PDE6A: variants seen among roughly 807,000 people sequenced by gnomAD.
PDE6A encodes the protein rod cGMP-specific 3',5'-cyclic phosphodiesterase subunit alpha.
Under a neutral mutation model 106.3 loss-of-function variants are expected in PDE6A, and 84 were observed. The observed-to-expected ratio is 0.79, with a 90% CI of 0.66 to 0.95. The LOEUF (loss-of-function observed/expected upper bound fraction) is 0.95, where lower values mean the gene tolerates loss of function less well. Ranked by LOEUF, PDE6A falls within the 40% of genes least tolerant of loss-of-function variation. PDE6A has a pLI of 0.00. For missense variants in PDE6A, 1,052 were observed against 1,084.9 expected (o/e 0.97, Z 0.43); for synonymous variants, 394 against 386.6 (o/e 1.02, Z -0.23).
At chr5:149,931,994 G>A in intron 3 of PDE6A, 1 of 1,460,026 alleles carries the variant, frequency 6.8e-7, no homozygotes, top group South Asian at 1.1e-5. Flanking sequence ...ATATTTTTGA[G>A]AGCTGATGTT....
intron 4 of PDE6A, among the ~76,000 whole-genome samples, chr5:149,929,555 C>T (rs1185857509): frequency 1.3e-5 from 2 of 151,608 alleles, no homozygotes; most frequent in South Asian, 2.1e-4. Context: ...TGCAGTGAGC[C>T]GAGATTGCGC....
chr5:149,889,081 C>CAAA lies in PDE6A; in HGVS notation c.1729-2710_1729-2708dup, dbSNP rs568428704. ...TGGGCGACAGAGTGAGACTCTGTCT[C>CAAA]AAAAAAAAAAAAAAAAAGATCAGAA... On this transcript the variant is annotated intron_variant, in intron 13 of 21. Transcript: ENST00000255266. Among the ~76,000 whole-genome samples the CAAA allele has an allele frequency of 6.5e-4, 40 of 61,580 alleles. 2 individuals carry two copies. Among genetic ancestry groups the CAAA allele is most frequent in the African/African-American group, 1.7e-3 (24 of 14,056 alleles). 40.4% of individuals were successfully genotyped at this position (61,580 alleles called of 152,430 possible). A position where few individuals can be genotyped will look rare whatever the true frequency, so the allele number is the denominator to read the frequency against.
chr5:149,877,941 G>A (rs543346311), intron 17 of PDE6A, among the ~76,000 whole-genome samples: 6 of 152,160 alleles, frequency 3.9e-5, no homozygotes, highest in Non-Finnish European at 7.3e-5. Flanking sequence ...GGTATACTAG[G>A]GGGTCCTGGA....
rs1356289630 is a variant in PDE6A at position 149,889,863 on chromosome 5, T to C, written c.1729-3489A>G. ...CAGAGGTTGCAGTGAGCTGAGATCA[T>C]GCCACTGCACTCCAGCCTGGGTGAC... On this transcript the variant is annotated intron_variant, in intron 13 of 21. Transcript: ENST00000255266. Among the ~76,000 whole-genome samples the C allele has an allele frequency of 2.2e-4, 32 of 144,340 alleles. 1 individual carries two copies. Among genetic ancestry groups the C allele is most frequent in the Non-Finnish European group, 4.5e-5 (3 of 66,496 alleles). The allele number at this position is 144,340 out of a possible 152,430, so 94.7% of individuals were successfully genotyped here. A position where few individuals can be genotyped will look rare whatever the true frequency, so the allele number is the denominator to read the frequency against.
chr5:149,929,650 C>T (rs1009397821), intron 4 of PDE6A, among the ~76,000 whole-genome samples: 1 of 120,898 alleles, frequency 8.3e-6, no homozygotes, highest in Non-Finnish European at 1.7e-5. Context: ...ATAAAAGAAG[C>T]CAAACACAAA....
chr5:149,944,716 G>T lies in PDE6A; in HGVS notation c.-43C>A. 2 of 1,514,186 alleles carry T rather than the reference G, an allele frequency of 1.3e-6. No homozygotes were observed. Among genetic ancestry groups the T allele is most frequent in the Non-Finnish European group, 9.0e-7 (1 of 1,111,008 alleles). The allele number at this position is 1,514,186 out of a possible 1,614,324, so 93.8% of individuals were successfully genotyped here. A position where few individuals can be genotyped will look rare whatever the true frequency, so the allele number is the denominator to read the frequency against. ...GCTACTCTGTAGAAGGACTGGGACG[G>T]AGGCCTTCCAATGGCAGTTTTGCAG... On this transcript the variant is annotated 5_prime_UTR_variant, in exon 1 of 22. Coordinates refer to ENST00000255266, the MANE Select transcript of PDE6A (RefSeq NM_000440.3).
Position 149,860,393 on chromosome 5 carries a change from T to A in PDE6A, c.*502A>T, listed in dbSNP as rs969736446. The A allele has an allele frequency of 6.5e-6, 1 of 152,776 alleles. No individual in the cohort carries two copies. Among genetic ancestry groups the A allele is most frequent in the Non-Finnish European group, 1.5e-5 (1 of 68,470 alleles). 9.5% of individuals were successfully genotyped at this position (152,776 alleles called of 1,614,324 possible). A position where few individuals can be genotyped will look rare whatever the true frequency, so the allele number is the denominator to read the frequency against. On this transcript the variant is annotated 3_prime_UTR_variant, in exon 22 of 22. Coordinates refer to ENST00000255266, the MANE Select transcript of PDE6A (RefSeq NM_000440.3). ...CTGAAAGTATAAGAACAAAAATGAT[T>A]CTAAGCAAGCCAGTGAATCTGGCAT...
rs183826388 is a variant in PDE6A, at chr5:149,923,291, A to C, written c.859-1582T>G. Among the ~76,000 whole-genome samples the C allele has an allele frequency of 2.6e-5, 4 of 152,258 alleles. No individual in the cohort carries two copies. The East Asian group carries it at 7.7e-4, about 29-fold the overall frequency. On this transcript the variant is annotated intron_variant, in intron 4 of 21. Coordinates refer to ENST00000255266, the MANE Select transcript of PDE6A (RefSeq NM_000440.3). ...GGCGGATGGATCACTTGAGCCCAGG[A>C]GTTTGACACCAGCCTGAGCAACATG...
At chr5:149,943,447 CTCTT>C (rs1173941305) in intron 1 of PDE6A, among the ~76,000 whole-genome samples, 2 of 152,140 alleles carry the variant, frequency 1.3e-5, no homozygotes, top group African/African-American at 2.4e-5. Flanking sequence ...AGTCTGATCT[CTCTT>C]TCTTTCCCCC....
At chr5:149,936,904 C>T (rs1284069104) in intron 1 of PDE6A, among the ~76,000 whole-genome samples, 1 of 152,210 alleles carries the variant, frequency 6.6e-6, no homozygotes. Context: ...CTTCCATATG[C>T]TAGGCACTCT....
Position 149,884,493 on chromosome 5 carries a change from G to A in PDE6A, c.2013C>T (p.Leu671=), listed in dbSNP as rs769405151. ...GATATACCAACTTGAAATACAGGGCGAGGTCTGTGGCAATGATTGCAATGT... is the reference window on the plus strand; with the variant it reads ...GATATACCAACTTGAAATACAGGGCAAGGTCTGTGGCAATGATTGCAATGT... The part of the protein sequence containing the change: ...MMDIAIIATD[L]ALYFKKRTMF... The change falls in exon 16 of 22, where the codon CTC becomes CTT. Residue 671 remains leucine, a synonymous_variant. Coordinates refer to ENST00000255266, the MANE Select transcript of PDE6A (RefSeq NM_000440.3). The A allele has an allele frequency of 6.1e-5, 98 of 1,610,954 alleles. No homozygotes were observed. The South Asian group carries it at 8.6e-4, about 14-fold the overall frequency.
intron 1 of PDE6A, among the ~76,000 whole-genome samples, chr5:149,940,506 T>C (rs984536098): frequency 1.0e-5 from 1 of 99,906 alleles, no homozygotes; most frequent in Non-Finnish European, 1.9e-5. Context: ...GTTTGAATCC[T>C]TTTTTTTTTG....
At chr5:149,894,764 G>A (rs1487037801) in intron 13 of PDE6A, among the ~76,000 whole-genome samples, 1 of 151,182 alleles carries the variant, frequency 6.6e-6, no homozygotes, top group Non-Finnish European at 1.5e-5. Context: ...CCAAGTAGCT[G>A]GGATTACAGG....
chr5:149,891,878 C>T (rs1452891488), intron 13 of PDE6A, among the ~76,000 whole-genome samples: 1 of 152,132 alleles, frequency 6.6e-6, no homozygotes, highest in African/African-American at 2.4e-5. Context: ...TCAGGCAACA[C>T]ATTTCCAGCA....
intron 1 of PDE6A, among the ~76,000 whole-genome samples, chr5:149,937,117 C>G (rs1026029817): frequency 6.6e-6 from 1 of 152,186 alleles, no homozygotes; most frequent in Non-Finnish European, 1.5e-5. Context: ...AGGGAGCCTT[C>G]TCTGAAGATG....
intron 13 of PDE6A, among the ~76,000 whole-genome samples, chr5:149,892,950 C>T (rs572918231): frequency 6.6e-6 from 1 of 152,330 alleles, no homozygotes; most frequent in South Asian, 2.1e-4. Flanking sequence ...TCCACTCCTG[C>T]TGAAAAACAG....
intron 1 of PDE6A, among the ~76,000 whole-genome samples, chr5:149,937,837 T>C (rs1754227800): frequency 6.6e-6 from 1 of 152,196 alleles, no homozygotes; most frequent in African/African-American, 2.4e-5. Flanking sequence ...AACTGACATA[T>C]ATTATCTCAT....
At chr5:149,932,156 A>G (rs377367293) in intron 3 of PDE6A, 2 of 1,220,152 alleles carry the variant, frequency 1.6e-6, no homozygotes, top group African/African-American at 1.4e-5. Flanking sequence ...GTCTTAGTGA[A>G]GCTGCATCTA....
At position 149,936,878 on chromosome 5, in the gene PDE6A, A is replaced by G. The variant is rs188673117; in HGVS notation, c.475-2160T>C. 9.4e-4 allele frequency among the ~76,000 whole-genome samples: 143 copies of G among 152,358 alleles called. 1 individual carries two copies. In the Middle Eastern group the frequency reaches 0.017, roughly 18 times the overall value. On this transcript the variant is annotated intron_variant, in intron 1 of 21. Transcript: ENST00000255266. ...ACCAAAGTGATTCATCCATTCAGTT[A>G]GCATTATCAGAGTGTCTTCCATATG...
Sources: allele counts gnomAD v4.1 joint callset (sites outside exome capture counted in the v4.1 genomes callset), GRCh38; gene constraint gnomAD v4.1.1; transcripts MANE v1.5; gene names NCBI Gene and HGNC (gene_info 2026-07-23, HGNC 2026-07-21).